The following ELMO1 variants were observed in gnomAD, a reference collection of about 807,000 sequenced individuals.
ELMO1 encodes engulfment and cell motility 1, also known as engulfment and cell motility protein 1.
Under a neutral mutation model 98.9 loss-of-function variants are expected in ELMO1, and 26 were observed. That is an observed-to-expected ratio of 0.26 (90% CI 0.19 to 0.36). The LOEUF (loss-of-function observed/expected upper bound fraction) is 0.36, where lower values mean the gene tolerates loss of function less well. ELMO1 is among the 10% of genes least tolerant of loss of function. ELMO1 has a pLI of 1.00. For missense variants in ELMO1, 627 were observed against 935.2 expected (o/e 0.67, Z 4.30); for synonymous variants, 346 against 346.0 (o/e 1.00, Z 0.00).
intron 15 of ELMO1, among the ~76,000 whole-genome samples, chr7:37,037,532 C>T (rs892065452): frequency 6.6e-5 from 10 of 152,154 alleles, no homozygotes; most frequent in Admixed American, 1.3e-4. Context: ...ATCGGGCCAT[C>T]GGAAGGCCTG....
chr7:37,008,792 G>A (rs1317152688), intron 16 of ELMO1, among the ~76,000 whole-genome samples: 1 of 152,150 alleles, frequency 6.6e-6, no homozygotes, highest in Non-Finnish European at 1.5e-5. Flanking sequence ...ATCAATGCAC[G>A]AAATTTACAG....
intron 14 of ELMO1, among the ~76,000 whole-genome samples, chr7:37,120,296 C>T (rs891191458): frequency 3.9e-5 from 6 of 152,178 alleles, no homozygotes; most frequent in East Asian, 1.9e-4. Context: ...GTGGGTGCAG[C>T]GCACCAAGCG....
rs374619785 is a variant in ELMO1, at chr7:37,175,325, C to CTT, written c.1086+36060_1086+36061insAA. On this transcript the variant is annotated intron_variant, in intron 13 of 21. Transcript: ENST00000310758. Reference sequence around the variant, plus strand: ...ATGCAAATTAGTCACTACCAAATCTCTACATTTGTCTGCAAATTTTCAATG... The same window carrying CTT: ...ATGCAAATTAGTCACTACCAAATCTCTTTACATTTGTCTGCAAATTTTCAATG... Among the ~76,000 whole-genome samples, 418 of 152,324 alleles carry CTT rather than the reference C, an allele frequency of 2.7e-3. 3 individuals are homozygous for CTT. Among genetic ancestry groups the CTT allele is most frequent in the African/African-American group, 9.6e-3 (400 of 41,578 alleles).
intron 8 of ELMO1, among the ~76,000 whole-genome samples, chr7:37,226,116 A>G (rs1793861450): frequency 6.6e-6 from 1 of 152,086 alleles, no homozygotes; most frequent in African/African-American, 2.4e-5. Flanking sequence ...TCCAGGTGAA[A>G]GGAGGGGTGG....
chr7:37,233,755 T>G (rs527347869), intron 7 of ELMO1, among the ~76,000 whole-genome samples: 9 of 152,352 alleles, frequency 5.9e-5, no homozygotes, highest in Non-Finnish European at 1.2e-4. Context: ...TCCCTCTGTG[T>G]GGACACACAG....
intron 13 of ELMO1, among the ~76,000 whole-genome samples, chr7:37,192,862 GATAC>G (rs895159013): frequency 4.2e-5 from 6 of 142,950 alleles, no homozygotes; most frequent in Middle Eastern, 3.4e-3. Flanking sequence ...TTTATATATA[GATAC>G]ATACATGTTT....
At chr7:36,921,988 A>T (rs1253126493) in intron 16 of ELMO1, among the ~76,000 whole-genome samples, 1 of 152,182 alleles carries the variant, frequency 6.6e-6, no homozygotes, top group Non-Finnish European at 1.5e-5. Context: ...AACTCTTGAA[A>T]TTCTAAATAT....
intron 15 of ELMO1, among the ~76,000 whole-genome samples, chr7:37,047,115 G>A (rs1795837113): frequency 6.6e-6 from 1 of 152,184 alleles, no homozygotes; most frequent in South Asian, 2.1e-4. Flanking sequence ...AGAAAGAGCT[G>A]AACCAAAATG....
In ELMO1 at chr7:37,127,921, G is replaced by A. The variant is rs184490263; in HGVS notation, c.1191+5209C>T. ...CAAGAACATAAATTTGGCTGGGCTC[G>A]GTGACTCACACCTGTAATCCCAACA... On this transcript the variant is annotated intron_variant, in intron 14 of 21. Transcript: ENST00000310758. 2.0e-5 allele frequency among the ~76,000 whole-genome samples: 3 copies of A among 152,222 alleles called. No homozygotes were observed. In the East Asian group the frequency reaches 5.8e-4, roughly 29 times the overall value.
intron 13 of ELMO1, among the ~76,000 whole-genome samples, chr7:37,167,499 G>A (rs1472938105): frequency 1.5e-4 from 22 of 150,498 alleles, no homozygotes; most frequent in Middle Eastern, 3.2e-3. Context: ...TCCATGTTTA[G>A]TGCTTCCTTC....
rs560590391 is a variant in ELMO1 at position 37,186,802 on chromosome 7, TA to T, written c.1086+24583del. Among the ~76,000 whole-genome samples the T allele has an allele frequency of 7.9e-5, 12 of 152,276 alleles. No individual in the cohort carries two copies. In the South Asian group the frequency reaches 2.1e-3, roughly 26 times the overall value. On this transcript the variant is annotated intron_variant, in intron 13 of 21. Transcript: ENST00000310758. ...TCCCTCCCATCAGCAAAAAGTCAGATAATAACAAGTGTTGATGAGGACCTGA... is the reference window on the plus strand; with the variant it reads ...TCCCTCCCATCAGCAAAAAGTCAGATATAACAAGTGTTGATGAGGACCTGA...
At chr7:37,422,815 A>T in intron 1 of ELMO1, among the ~76,000 whole-genome samples, 1 of 152,234 alleles carries the variant, frequency 6.6e-6, no homozygotes, top group Non-Finnish European at 1.5e-5. Flanking sequence ...AGATACCTCC[A>T]AAGGCCATTT....
At chr7:37,381,043 G>C (rs865926921) in intron 1 of ELMO1, among the ~76,000 whole-genome samples, 2 of 152,182 alleles carry the variant, frequency 1.3e-5, no homozygotes, top group Non-Finnish European at 2.9e-5. Flanking sequence ...GAAACAAGAA[G>C]ACAGGGCTAG....
chr7:36,859,197 C>A (rs191860720), intron 21 of ELMO1, among the ~76,000 whole-genome samples: 1 of 151,988 alleles, frequency 6.6e-6, no homozygotes, highest in African/African-American at 2.4e-5. Flanking sequence ...CTGACTTGAA[C>A]AAAGTATGAA....
intron 6 of ELMO1, among the ~76,000 whole-genome samples, chr7:37,250,649 G>A (rs887350324): frequency 2.0e-4 from 31 of 151,928 alleles, no homozygotes; most frequent in African/African-American, 7.0e-4. Flanking sequence ...AAAATTAGCC[G>A]GGTGTGGTGG....
chr7:37,201,483 G>A (rs1792291016), intron 13 of ELMO1, among the ~76,000 whole-genome samples: 1 of 152,188 alleles, frequency 6.6e-6, no homozygotes, highest in South Asian at 2.1e-4. Context: ...GGGAGACTCA[G>A]GTCCTGGGAA....
intron 1 of ELMO1, among the ~76,000 whole-genome samples, chr7:37,363,124 G>A (rs1474876238): frequency 1.3e-5 from 2 of 152,034 alleles, no homozygotes; most frequent in East Asian, 1.9e-4. Flanking sequence ...TGATGACTTC[G>A]GGGCCCTCTG....
At chr7:37,410,492 G>A (rs1041607751) in intron 1 of ELMO1, among the ~76,000 whole-genome samples, 2 of 151,994 alleles carry the variant, frequency 1.3e-5, no homozygotes, top group African/African-American at 4.8e-5. Context: ...AGGGACAGAG[G>A]GCCAGATGCC....
intron 1 of ELMO1, among the ~76,000 whole-genome samples, chr7:37,365,943 A>G (rs1308544476): frequency 6.6e-6 from 1 of 152,244 alleles, no homozygotes; most frequent in Non-Finnish European, 1.5e-5. Flanking sequence ...CAGCCACTAC[A>G]TTAATAAGAA....
Sources: allele counts gnomAD v4.1 joint callset (sites outside exome capture counted in the v4.1 genomes callset), GRCh38; gene constraint gnomAD v4.1.1; transcripts MANE v1.5; gene names NCBI Gene and HGNC (gene_info 2026-07-23, HGNC 2026-07-21).